Variants in SLC25A21 observed in about 807,000 individuals in gnomAD.
SLC25A21 encodes the protein mitochondrial 2-oxodicarboxylate carrier.
Under a neutral mutation model 43.8 loss-of-function variants are expected in SLC25A21, and 47 were observed. The ratio of observed to expected loss-of-function variants is 1.07; its 90% CI spans 0.85 to 1.37. The LOEUF (loss-of-function observed/expected upper bound fraction) is 1.37. Ranked by LOEUF, SLC25A21 falls within the 40% of genes most tolerant of loss-of-function variation. The probability of loss-of-function intolerance (pLI) is 0.00; values close to 1 mark genes in which losing one functional copy is unlikely to be tolerated. For synonymous variants in SLC25A21, 131 were observed against 121.3 expected (o/e 1.08, Z -0.52); for missense variants, 352 against 350.2 (o/e 1.00, Z -0.04).
At chr14:37,093,753 A>G (rs1962632886) in intron 1 of SLC25A21, among the ~76,000 whole-genome samples, 1 of 152,208 alleles carries the variant, frequency 6.6e-6, no homozygotes, top group African/African-American at 2.4e-5. Flanking sequence ...GGAAAAATTA[A>G]TGATTTCTTT....
At chr14:36,889,873 T>TC (rs1891029656) in intron 1 of SLC25A21, among the ~76,000 whole-genome samples, 1 of 152,188 alleles carries the variant, frequency 6.6e-6, no homozygotes, top group Admixed American at 6.6e-5. Context: ...ATGGCCTTCA[T>TC]CCCAACAAGC....
chr14:37,088,464 T>C (rs1399317278), intron 1 of SLC25A21, among the ~76,000 whole-genome samples: 3 of 152,228 alleles, frequency 2.0e-5, no homozygotes, highest in African/African-American at 7.2e-5. Context: ...GAATATTTGT[T>C]CTGGTGCATA....
chr14:36,811,341 T>A (rs1380615641), intron 3 of SLC25A21, among the ~76,000 whole-genome samples: 1 of 151,920 alleles, frequency 6.6e-6, no homozygotes, highest in East Asian at 1.9e-4. Context: ...TGTGTAGAAG[T>A]TTAATATGTG....
chr14:37,141,132 G>A (rs988636565), intron 1 of SLC25A21, among the ~76,000 whole-genome samples: 2 of 151,800 alleles, frequency 1.3e-5, no homozygotes, highest in Admixed American at 6.6e-5. Flanking sequence ...GTGACAGAGA[G>A]AGACACTGTC....
chr14:37,146,467 T>C lies in SLC25A21; in HGVS notation c.70+25814A>G, dbSNP rs570728528. Among the ~76,000 whole-genome samples the C allele has an allele frequency of 2.0e-5, 3 of 152,288 alleles. No homozygotes were observed. The South Asian group carries it at 6.2e-4, about 32-fold the overall frequency. On this transcript the variant is annotated intron_variant, in intron 1 of 9. Transcript: ENST00000331299. ...TCACCATGTTACCCAGCCTGGTCTC[T>C]AACTCCTGACCTCAAGAGATCCGCC...
At chr14:37,138,967 C>A (rs1295353747) in intron 1 of SLC25A21, among the ~76,000 whole-genome samples, 1 of 152,026 alleles carries the variant, frequency 6.6e-6, no homozygotes, top group East Asian at 1.9e-4. Context: ...AGCTGGCCAG[C>A]CAAAAACAAT....
chr14:36,826,333 G>A (rs1227361700), intron 2 of SLC25A21, among the ~76,000 whole-genome samples: 2 of 152,164 alleles, frequency 1.3e-5, no homozygotes, highest in East Asian at 1.9e-4. Flanking sequence ...GCTTGGGCAG[G>A]CGAGTCCCTA....
chr14:36,869,040 G>C (rs923350804), intron 2 of SLC25A21, among the ~76,000 whole-genome samples: 3 of 152,206 alleles, frequency 2.0e-5, no homozygotes, highest in Admixed American at 1.3e-4. Flanking sequence ...TCAGCCTGGG[G>C]TGGTGGTGCT....
intron 1 of SLC25A21, among the ~76,000 whole-genome samples, chr14:36,981,215 T>C (rs969556626): frequency 2.0e-5 from 3 of 152,100 alleles, no homozygotes; most frequent in Admixed American, 6.5e-5. Context: ...TGTGGAGAAA[T>C]AGGAACGCTT....
chr14:36,991,980 G>T (rs1344830069), intron 1 of SLC25A21, among the ~76,000 whole-genome samples: 2 of 152,216 alleles, frequency 1.3e-5, no homozygotes, highest in African/African-American at 4.8e-5. Flanking sequence ...CAGTTCTACA[G>T]ACGTGTTACA....
chr14:36,881,199 A>C (rs1364925469), intron 1 of SLC25A21, among the ~76,000 whole-genome samples: 1 of 152,212 alleles, frequency 6.6e-6, no homozygotes, highest in East Asian at 1.9e-4. Context: ...TTCTGACAAA[A>C]ACTAACGACA....
At chr14:36,829,257 C>G (rs1430626599) in intron 2 of SLC25A21, among the ~76,000 whole-genome samples, 1 of 152,058 alleles carries the variant, frequency 6.6e-6, no homozygotes, top group African/African-American at 2.4e-5. Flanking sequence ...TTGATTGCCT[C>G]AAAAGACTCC....
chr14:36,774,291 G>C (rs898592166), intron 3 of SLC25A21, among the ~76,000 whole-genome samples: 5 of 152,224 alleles, frequency 3.3e-5, no homozygotes, highest in South Asian at 2.1e-4. Flanking sequence ...CAGGTATGGG[G>C]AGTAGTCAAC....
chr14:36,699,965 C>A (rs1308593051), intron 7 of SLC25A21, among the ~76,000 whole-genome samples: 2 of 152,182 alleles, frequency 1.3e-5, no homozygotes, highest in Non-Finnish European at 2.9e-5. Context: ...CACTGTCCAA[C>A]CAGTCCCAGT....
At chr14:37,091,476 T>C (rs1191181512) in intron 1 of SLC25A21, among the ~76,000 whole-genome samples, 3 of 149,434 alleles carry the variant, frequency 2.0e-5, no homozygotes, top group Non-Finnish European at 4.4e-5. Flanking sequence ...GCACAATGGC[T>C]TGGGGGCCAT....
At chr14:37,020,174 T>C (rs934732201) in intron 1 of SLC25A21, among the ~76,000 whole-genome samples, 2 of 151,918 alleles carry the variant, frequency 1.3e-5, no homozygotes, top group Admixed American at 1.3e-4. Flanking sequence ...AAACTCGATG[T>C]AGTTAATAAG....
chr14:36,734,260 C>A (rs1884943234), intron 4 of SLC25A21, among the ~76,000 whole-genome samples: 1 of 151,952 alleles, frequency 6.6e-6, no homozygotes, highest in Non-Finnish European at 1.5e-5. Context: ...ATTTTATTCA[C>A]CATGTTGTTT....
intron 7 of SLC25A21, among the ~76,000 whole-genome samples, chr14:36,705,103 CA>C (rs1354154671): frequency 6.6e-6 from 1 of 152,010 alleles, no homozygotes; most frequent in Non-Finnish European, 1.5e-5. Flanking sequence ...AGGCTGGGTG[CA>C]ATCTCTGCTC....
chr14:37,084,637 A>G (rs1962449596), intron 1 of SLC25A21, among the ~76,000 whole-genome samples: 1 of 152,254 alleles, frequency 6.6e-6, no homozygotes, highest in South Asian at 2.1e-4. Context: ...CTCTAGTTAT[A>G]TAGTCGGTCC....
Sources: gnomAD v4.1 joint callset for allele counts (sites outside exome capture counted in the v4.1 genomes callset) on GRCh38, gnomAD v4.1.1 for gene constraint, MANE v1.5 for transcripts, NCBI Gene and HGNC (gene_info 2026-07-23, HGNC 2026-07-21) for gene names.